The following GLIS1 variants were observed in gnomAD, a reference collection of about 807,000 sequenced individuals.
GLIS1 encodes the protein GLIS family zinc finger 1.
In GLIS1, 24 loss-of-function variants were observed where a neutral mutation model predicts 63.8. That is an observed-to-expected ratio of 0.38 (90% CI 0.27 to 0.53). The LOEUF (loss-of-function observed/expected upper bound fraction) is 0.53. Ranked by LOEUF, GLIS1 falls within the 20% of genes least tolerant of loss-of-function variation. The probability of loss-of-function intolerance (pLI) is 0.85; values close to 1 mark genes in which losing one functional copy is unlikely to be tolerated. For missense variants in GLIS1, 1,036 were observed against 1,074.1 expected, an observed-to-expected ratio of 0.96 and a Z score of 0.50; for synonymous variants, 450 against 482.5, an observed-to-expected ratio of 0.93 and a Z score of 0.88.
At chr1:53,718,154 A>G (rs893463191) in intron 2 of GLIS1, among the ~76,000 whole-genome samples, 4 of 152,248 alleles carry the variant, frequency 2.6e-5, no homozygotes, top group Non-Finnish European at 5.9e-5. Context: ...CTCTAGTCTT[A>G]TAGAAAATTC....
chr1:53,511,656 T>C lies in GLIS1; in HGVS notation c.1884-1629A>G, dbSNP rs1458208901. 6.6e-6 allele frequency among the ~76,000 whole-genome samples: 1 copy of C among 152,126 alleles called. No homozygotes were observed. The highest frequency in any genetic ancestry group is 2.4e-5 in the African/African-American group (1 of 41,426). Reference sequence around the variant, plus strand: ...AATAAATTATCATTATCATCATCATTATTTTTAGGCCTGTCTTGTGGGGTG... The same window carrying C: ...AATAAATTATCATTATCATCATCATCATTTTTAGGCCTGTCTTGTGGGGTG... On this transcript the variant is annotated intron_variant, in intron 8 of 10. Transcript: ENST00000628545. The surrounding 1 kb of genome is among the most constrained non-coding windows in gnomAD (Gnocchi z 4.2).
At chr1:53,622,483 A>C (rs1395012346) in intron 2 of GLIS1, among the ~76,000 whole-genome samples, 1 of 151,904 alleles carries the variant, frequency 6.6e-6, no homozygotes, top group Non-Finnish European at 1.5e-5. Context: ...TTCCATGTCA[A>C]ATCTCCAGAA....
chr1:53,717,230 CATA>C (rs1215283369), intron 2 of GLIS1, among the ~76,000 whole-genome samples: 1 of 152,168 alleles, frequency 6.6e-6, no homozygotes, highest in Non-Finnish European at 1.5e-5. Flanking sequence ...ATAAAATGGG[CATA>C]ATAATAATCT....
chr1:53,563,318 C>T (rs1379618790), intron 4 of GLIS1, among the ~76,000 whole-genome samples: 1 of 152,204 alleles, frequency 6.6e-6, no homozygotes, highest in Non-Finnish European at 1.5e-5. Context: ...TATATACTAA[C>T]AGGGGTGAAA....
intron 2 of GLIS1, among the ~76,000 whole-genome samples, chr1:53,626,393 C>G (rs1645594176): frequency 6.6e-6 from 1 of 152,152 alleles, no homozygotes; most frequent in African/African-American, 2.4e-5. Context: ...ATCTCAGGAA[C>G]CCCCTTCTGC....
chr1:53,508,022 CT>C (rs1278689250), intron 10 of GLIS1, among the ~76,000 whole-genome samples: 1 of 152,238 alleles, frequency 6.6e-6, no homozygotes, highest in African/African-American at 2.4e-5. Flanking sequence ...ACCCACGGGC[CT>C]GTGGGCACAA....
At chr1:53,708,796 C>T (rs957373670) in intron 2 of GLIS1, among the ~76,000 whole-genome samples, 4 of 152,142 alleles carry the variant, frequency 2.6e-5, no homozygotes, top group African/African-American at 7.2e-5. Flanking sequence ...GCACTCCATC[C>T]GGAACACAGC....
intron 2 of GLIS1, among the ~76,000 whole-genome samples, chr1:53,684,074 T>C (rs1325079070): frequency 6.6e-6 from 1 of 152,124 alleles, no homozygotes; most frequent in Non-Finnish European, 1.5e-5. Context: ...ACATTCCAGC[T>C]GGGAGGTTAA....
intron 2 of GLIS1, among the ~76,000 whole-genome samples, chr1:53,697,699 T>C (rs1009896645): frequency 3.3e-5 from 5 of 152,226 alleles, no homozygotes; most frequent in Admixed American, 1.3e-4. Flanking sequence ...TTATTTAGCA[T>C]ATACTCGGTG....
intron 2 of GLIS1, among the ~76,000 whole-genome samples, chr1:53,688,156 T>A (rs11582102): frequency 0.12 from 17,682 of 152,268 alleles, 1,220 homozygotes; most frequent in East Asian, 0.23. Flanking sequence ...TCTCGGTCCC[T>A]GATTCAAGAA....
At chr1:53,663,573 C>T (rs1179335790) in intron 2 of GLIS1, among the ~76,000 whole-genome samples, 1 of 152,250 alleles carries the variant, frequency 6.6e-6, no homozygotes, top group Non-Finnish European at 1.5e-5. Context: ...GGCTCCGTGA[C>T]CCTGCCTCAT....
chr1:53,725,042 G>C (rs1183969819), intron 2 of GLIS1, among the ~76,000 whole-genome samples: 1 of 152,198 alleles, frequency 6.6e-6, no homozygotes, highest in African/African-American at 2.4e-5. Flanking sequence ...GTGCATAGCA[G>C]CCAGAGCCAT....
At chr1:53,733,253 G>A (rs943872178) in intron 2 of GLIS1, among the ~76,000 whole-genome samples, 2 of 152,196 alleles carry the variant, frequency 1.3e-5, no homozygotes, top group South Asian at 2.1e-4. Flanking sequence ...CAAATGAAAC[G>A]CAGGGAGATG....
In GLIS1 at chr1:53,524,878, C is replaced by G. The variant is rs749436299; in HGVS notation, c.1492G>C (p.Ala498Pro). Residue 498 changes from alanine (A) to proline (P), a missense_variant, in exon 6 of 11, where the codon GCC becomes CCC. Transcript: ENST00000628545. ...QRTHLDTKPY[A>P]CQIPGCSKRY... ...TTGGAGCAGCCAGGGATCTGACAGG[C>G]GTACGGCTTCTGTAACATGGGGGGC... 1 of 1,607,794 alleles carries G rather than the reference C, an allele frequency of 6.2e-7. No homozygotes were observed. The highest frequency in any genetic ancestry group is 8.5e-7 in the Non-Finnish European group (1 of 1,175,434).
intron 4 of GLIS1, among the ~76,000 whole-genome samples, chr1:53,590,506 A>C (rs1557466967): frequency 6.6e-6 from 1 of 152,200 alleles, no homozygotes; most frequent in Non-Finnish European, 1.5e-5. Context: ...GATGTGGAGA[A>C]AAGCAAGCTA....
intron 4 of GLIS1, among the ~76,000 whole-genome samples, chr1:53,550,514 G>A (rs1644747288): frequency 6.6e-6 from 1 of 152,202 alleles, no homozygotes; most frequent in Admixed American, 6.5e-5. Context: ...GGCTGAGGCT[G>A]GAGGTCAGAC....
rs558619193 is a variant in GLIS1 at position 53,558,222 on chromosome 1, G to A, written c.1321-28270C>T. On this transcript the variant is annotated intron_variant, in intron 4 of 10. Coordinates refer to ENST00000628545, the MANE Select transcript of GLIS1 (RefSeq NM_001367484.1). ...TGCCACAGAGGGACACAAAGGGCCCGATGCAGGAAGAGTAACTTAAGGACC... is the reference window on the plus strand; with the variant it reads ...TGCCACAGAGGGACACAAAGGGCCCAATGCAGGAAGAGTAACTTAAGGACC... Among the ~76,000 whole-genome samples the A allele has an allele frequency of 4.6e-5, 7 of 152,348 alleles. No individual in the cohort carries two copies. In the South Asian group the frequency reaches 1.2e-3, roughly 27 times the overall value.
At position 53,530,014 on chromosome 1, in the gene GLIS1, A is replaced by G. The variant is rs1644513347; in HGVS notation, c.1321-62T>C. On this transcript the variant is annotated intron_variant, in intron 4 of 10. Transcript: ENST00000628545. ...GTGGGCACCCCAACCCTGCATGGAA[A>G]CTAACCCCCCAGGCCTGCCTGGCCC... The G allele has an allele frequency of 1.3e-5, 20 of 1,528,490 alleles. No homozygotes were observed. In the South Asian group the frequency reaches 2.4e-4, roughly 18 times the overall value. 94.7% of individuals were successfully genotyped at this position (1,528,490 alleles called of 1,614,324 possible). A position where few individuals can be genotyped will look rare whatever the true frequency, so the allele number is the denominator to read the frequency against.
intron 2 of GLIS1, among the ~76,000 whole-genome samples, chr1:53,651,916 A>T (rs1569989165): frequency 6.6e-6 from 1 of 151,514 alleles, no homozygotes; most frequent in East Asian, 1.9e-4. Flanking sequence ...GGGCACCCCA[A>T]GGCCTGGGCT....
Sources: allele counts gnomAD v4.1 joint callset (sites outside exome capture counted in the v4.1 genomes callset), GRCh38; gene constraint gnomAD v4.1.1; non-coding constraint Gnocchi (gnomAD v3.1); transcripts MANE v1.5; gene names NCBI Gene and HGNC (gene_info 2026-07-23, HGNC 2026-07-21).